Variants in GABRA1 observed in about 807,000 individuals in gnomAD.
GABRA1 encodes the protein gamma-aminobutyric acid receptor subunit alpha-1.
In GABRA1, 9 loss-of-function variants were observed where a neutral mutation model predicts 48.9. The observed-to-expected ratio is 0.18, with a 90% CI of 0.11 to 0.32. The LOEUF (loss-of-function observed/expected upper bound fraction) is 0.32. Among genes scored for constraint, GABRA1 ranks in the 10% least tolerant of loss-of-function variants. The pLI, the probability that GABRA1 is intolerant of heterozygous loss-of-function variation, is 1.00. For synonymous variants in GABRA1, 210 were observed against 198.7 expected (o/e 1.06, Z -0.48); for missense variants, 285 against 553.8 (o/e 0.51, Z 4.87).
In GABRA1 at chr5:161,895,859, T is replaced by C; in HGVS notation, c.1050T>C (p.Val350=). ...RGYAWDGKSV[V]PEKPKKVKDP... Reference sequence around the variant, plus strand: ...ATGCATGGGATGGCAAAAGTGTGGTTCCAGAAAAGGTAAATGCTTTAATGG... The same window carrying C: ...ATGCATGGGATGGCAAAAGTGTGGTCCCAGAAAAGGTAAATGCTTTAATGG... Residue 350 remains valine, a synonymous_variant, in exon 9 of 10, where the codon GTT becomes GTC. Transcript: ENST00000393943. 6.2e-7 allele frequency: 1 copy of C among 1,613,694 alleles called. No homozygotes were observed. The highest frequency in any genetic ancestry group is 1.3e-5 in the African/African-American group (1 of 75,026).
chr5:161,871,816 T>G (rs191574565), intron 4 of GABRA1, among the ~76,000 whole-genome samples: 2 of 152,308 alleles, frequency 1.3e-5, no homozygotes, highest in East Asian at 3.9e-4. Context: ...CCTCCTTGTT[T>G]CTATCTCAGT....
chr5:161,897,576 C>A lies in GABRA1; in HGVS notation c.*154C>A. ...TCATTTAAGAACAAGAGACCCCTGT[C>A]TGGCAGTCTGGAGCAAAGCAGACTA... On this transcript the variant is annotated 3_prime_UTR_variant, in exon 10 of 10. Coordinates refer to ENST00000393943, the MANE Select transcript of GABRA1 (RefSeq NM_001127644.2). 1.3e-6 allele frequency: 1 copy of A among 751,842 alleles called. No homozygotes were observed. Among genetic ancestry groups the A allele is most frequent in the Non-Finnish European group, 2.2e-6 (1 of 463,606 alleles). The allele number at this position is 751,842 out of a possible 1,614,324, so 46.6% of individuals were successfully genotyped here.
In GABRA1 at chr5:161,862,689, T is replaced by C. The variant is rs145266186; in HGVS notation, c.188-3032T>C. ...GTTTTACTCATCATTGTATTACTGT[T>C]ACCTAGAAGAGTGCCTAAGTGGCAC... On this transcript the variant is annotated intron_variant, in intron 3 of 9. Coordinates refer to ENST00000393943, the MANE Select transcript of GABRA1 (RefSeq NM_001127644.2). Among the ~76,000 whole-genome samples, 168 of 152,092 alleles carry C rather than the reference T, an allele frequency of 1.1e-3. 1 individual carries two copies. Among genetic ancestry groups the C allele is most frequent in the Non-Finnish European group, 1.9e-3 (130 of 67,926 alleles).
intron 4 of GABRA1, among the ~76,000 whole-genome samples, chr5:161,867,788 T>C (rs1753937945): frequency 6.6e-6 from 1 of 152,186 alleles, no homozygotes; most frequent in Non-Finnish European, 1.5e-5. Context: ...ATTAGTCCAA[T>C]AAAAAATTGA....
At chr5:161,882,011 G>T in intron 6 of GABRA1, 1 of 156,276 alleles carries the variant, frequency 6.4e-6, no homozygotes, top group Non-Finnish European at 1.4e-5. Context: ...AGGAGAAGAA[G>T]AAGAAGACAC....
At chr5:161,870,789 G>A (rs6866984) in intron 4 of GABRA1, among the ~76,000 whole-genome samples, 39,044 of 152,074 alleles carry the variant, frequency 0.26, 6,128 homozygotes, top group African/African-American at 0.43. Flanking sequence ...TGCTACCACA[G>A]CAATCACACA....
rs555430982 is a variant in GABRA1, at chr5:161,898,820, C to T, written c.*1398C>T. ...CCAACTATTTCAATAAGTGTTGTAC[C>T]ATATGTAGCATTAAATATAAAATAC... On this transcript the variant is annotated 3_prime_UTR_variant, in exon 10 of 10. Transcript: ENST00000393943. 8 of 152,382 alleles carry T rather than the reference C, an allele frequency of 5.2e-5. No individual in the cohort carries two copies. The South Asian group carries it at 1.7e-3, about 32-fold the overall frequency. 9.4% of individuals were successfully genotyped at this position (152,382 alleles called of 1,614,324 possible).
chr5:161,879,637 C>T (rs1205866647), intron 6 of GABRA1, among the ~76,000 whole-genome samples: 1 of 152,132 alleles, frequency 6.6e-6, no homozygotes, highest in African/African-American at 2.4e-5. Flanking sequence ...TATCTGTATT[C>T]TCCATCTTAA....
intron 1 of GABRA1, chr5:161,850,587 G>A (rs1480257625): frequency 1.7e-6 from 1 of 603,728 alleles, no homozygotes; most frequent in Non-Finnish European, 3.0e-6. Context: ...AGGAGAATAA[G>A]GACACTGATA....
intron 8 of GABRA1, among the ~76,000 whole-genome samples, chr5:161,892,111 A>T (rs749739175): frequency 6.6e-6 from 1 of 152,136 alleles, no homozygotes; most frequent in Non-Finnish European, 1.5e-5. Context: ...GTCACCTCTG[A>T]GCTATCCTGC....
chr5:161,851,726 A>G (rs1272161463), intron 2 of GABRA1, among the ~76,000 whole-genome samples: 1 of 152,162 alleles, frequency 6.6e-6, no homozygotes, highest in Non-Finnish European at 1.5e-5. Context: ...AGACATATGA[A>G]TTTAGGAAGA....
chr5:161,883,737 A>G (rs772512282), intron 7 of GABRA1, among the ~76,000 whole-genome samples: 2 of 152,020 alleles, frequency 1.3e-5, no homozygotes, highest in Non-Finnish European at 2.9e-5. Flanking sequence ...TTATATTGGG[A>G]CCCTCACAAG....
chr5:161,887,192 A>G (rs1754887057), intron 7 of GABRA1, among the ~76,000 whole-genome samples: 1 of 152,180 alleles, frequency 6.6e-6, no homozygotes, highest in African/African-American at 2.4e-5. Flanking sequence ...CTGAATGACT[A>G]TTGTTAATCC....
intron 2 of GABRA1, chr5:161,853,608 C>T (rs1022964779): frequency 2.6e-5 from 4 of 151,764 alleles, no homozygotes; most frequent in African/African-American, 7.3e-5. Flanking sequence ...TGGAAATTTG[C>T]ACACTGATGT....
In GABRA1 at chr5:161,880,885, A is replaced by G. The variant is rs558134345; in HGVS notation, c.560-1673A>G. On this transcript the variant is annotated intron_variant, in intron 6 of 9. Transcript: ENST00000393943. The stretch of plus-strand genomic sequence containing the variant: ...CTGGGGAAAATGTGTATTGGACAGA[A>G]CACAAAAGCCTGGTTATTTAAGTGG... Among the ~76,000 whole-genome samples, 11 of 152,302 alleles carry G rather than the reference A, an allele frequency of 7.2e-5. No individual in the cohort carries two copies. The South Asian group carries it at 1.9e-3, about 26-fold the overall frequency.
At chr5:161,862,053 A>C (rs1757881909) in intron 3 of GABRA1, among the ~76,000 whole-genome samples, 1 of 151,880 alleles carries the variant, frequency 6.6e-6, no homozygotes, top group Non-Finnish European at 1.5e-5. Context: ...TAGGATTACT[A>C]ACAAAATACC....
At chr5:161,865,365 TA>T (rs1758010804) in intron 3 of GABRA1, among the ~76,000 whole-genome samples, 2 of 152,128 alleles carry the variant, frequency 1.3e-5, no homozygotes, top group South Asian at 4.1e-4. Context: ...TCTAGCCATG[TA>T]AAAATACTTA....
chr5:161,869,604 T>G (rs187076791), intron 4 of GABRA1, among the ~76,000 whole-genome samples: 1 of 152,324 alleles, frequency 6.6e-6, no homozygotes, highest in East Asian at 1.9e-4. Flanking sequence ...GTGCTTAAAA[T>G]GTATTAAGTC....
Position 161,870,610 on chromosome 5 carries a change from GAAGA to G in GABRA1, c.256-2498_256-2495del, listed in dbSNP as rs1376111366. Reference sequence around the variant, plus strand: ...AAAAGAAAAAAAGAAAGAAAGAAAGGAAGAAAGAAAGACAGACAGACAGAAAGAA... The same window carrying G: ...AAAAGAAAAAAAGAAAGAAAGAAAGGAAGAAAGACAGACAGACAGAAAGAA... On this transcript the variant is annotated intron_variant, in intron 4 of 9. Transcript: ENST00000393943. Among the ~76,000 whole-genome samples the G allele has an allele frequency of 2.2e-4, 28 of 129,474 alleles. No individual in the cohort carries two copies. The East Asian group carries it at 5.0e-3, about 23-fold the overall frequency. The allele number at this position is 129,474 out of a possible 152,430, so 84.9% of individuals were successfully genotyped here.
Sources: allele counts gnomAD v4.1 joint callset (sites outside exome capture counted in the v4.1 genomes callset), GRCh38; gene constraint gnomAD v4.1.1; transcripts MANE v1.5; gene names NCBI Gene and HGNC (gene_info 2026-07-23, HGNC 2026-07-21).